ROBO1: variants seen among roughly 807,000 people sequenced by gnomAD.
ROBO1 encodes the protein roundabout homolog 1.
In ROBO1, 149 loss-of-function variants were observed where a neutral mutation model predicts 195.9. The observed-to-expected ratio is 0.76, with a 90% confidence interval of 0.67 to 0.87. The LOEUF is 0.87. ROBO1 is among the 40% of genes least tolerant of loss of function. The pLI is 0.00. For synonymous variants in ROBO1, 816 were observed against 733.2 expected (o/e 1.11, Z -1.82); for missense variants, 1,933 against 2,068.3 (o/e 0.93, Z 1.27).
intron 4 of ROBO1, among the ~76,000 whole-genome samples, chr3:78,852,942 AG>A (rs1410869181): frequency 6.6e-6 from 1 of 152,182 alleles, no homozygotes; most frequent in Non-Finnish European, 1.5e-5. Context: ...AATGGTTCAT[AG>A]GTTTATGCAT....
At chr3:79,089,417 G>A (rs1222133971) in intron 3 of ROBO1, among the ~76,000 whole-genome samples, 1 of 152,024 alleles carries the variant, frequency 6.6e-6, no homozygotes, top group Admixed American at 6.6e-5. Context: ...TTATTGATAT[G>A]CCATTATTTA....
Position 79,610,708 on chromosome 3 carries a change from C to T in ROBO1, c.-50-20747G>A, listed in dbSNP as rs141164286. On this transcript the variant is annotated intron_variant, in intron 1 of 30. Transcript: ENST00000464233. ...AGATATCATACTTTGCTAGTTAATA[C>T]ACTTTTGGCCTCAAGTGTCAGAAAC... 5.3e-4 allele frequency among the ~76,000 whole-genome samples: 80 copies of T among 152,122 alleles called. No homozygotes were observed. In the East Asian group the frequency reaches 0.015, roughly 28 times the overall value.
chr3:78,876,602 A>G (rs2035863967), intron 4 of ROBO1, among the ~76,000 whole-genome samples: 1 of 152,218 alleles, frequency 6.6e-6, no homozygotes, highest in Non-Finnish European at 1.5e-5. Flanking sequence ...CCACATAAGA[A>G]TACATGAAAA....
At chr3:78,802,668 T>A (rs1286280577) in intron 4 of ROBO1, among the ~76,000 whole-genome samples, 1 of 152,048 alleles carries the variant, frequency 6.6e-6, no homozygotes, top group Non-Finnish European at 1.5e-5. Flanking sequence ...CACATAAGAC[T>A]TTTCTGGAGA....
chr3:79,195,448 G>A (rs574597345), intron 2 of ROBO1, among the ~76,000 whole-genome samples: 80 of 151,572 alleles, frequency 5.3e-4, no homozygotes, highest in Non-Finnish European at 9.9e-4. Context: ...ACAGATTGAT[G>A]TCAAAAGCAG....
chr3:79,453,931 G>T (rs1269859916), intron 2 of ROBO1, among the ~76,000 whole-genome samples: 1 of 152,040 alleles, frequency 6.6e-6, no homozygotes. Flanking sequence ...GTTGATTCCA[G>T]GTGCTGAGCC....
chr3:79,017,563 T>G (rs149187595), intron 3 of ROBO1, among the ~76,000 whole-genome samples: 144 of 151,262 alleles, frequency 9.5e-4, no homozygotes, highest in African/African-American at 3.4e-3. Context: ...AGAAGTTGAG[T>G]CGTGGCTCAG....
chr3:79,407,329 G>A (rs1052908992), intron 2 of ROBO1, among the ~76,000 whole-genome samples: 3 of 152,046 alleles, frequency 2.0e-5, no homozygotes, highest in African/African-American at 4.8e-5. Flanking sequence ...TCACAGTCTC[G>A]GGGCCTTGCC....
chr3:78,993,502 T>C (rs1268910187), intron 3 of ROBO1, among the ~76,000 whole-genome samples: 1 of 152,170 alleles, frequency 6.6e-6, no homozygotes. Flanking sequence ...CACTTATATA[T>C]GTAGTTGAAC....
At chr3:78,880,176 A>G (rs896599918) in intron 4 of ROBO1, among the ~76,000 whole-genome samples, 1 of 152,176 alleles carries the variant, frequency 6.6e-6, no homozygotes, top group African/African-American at 2.4e-5. Context: ...AAATTCCAAT[A>G]AAATTAGCAT....
intron 10 of ROBO1, among the ~76,000 whole-genome samples, chr3:78,679,096 G>A (rs534382722): frequency 0.015 from 2,211 of 152,278 alleles, 39 homozygotes; most frequent in African/African-American, 0.051. Context: ...CTCAATAGAT[G>A]CAGAAAAGAC....
chr3:78,629,188 A>G (rs202078223), intron 25 of ROBO1, among the ~76,000 whole-genome samples: 2 of 152,124 alleles, frequency 1.3e-5, no homozygotes, highest in East Asian at 3.9e-4. Context: ...TTAACTGAGA[A>G]CCTTCTCATT....
In ROBO1 at chr3:79,649,888, C is replaced by A. The variant is rs980346801; in HGVS notation, c.-50-59927G>T. The stretch of plus-strand genomic sequence containing the variant: ...CTTCCTCTCCTGTCTACCTGTCTAT[C>A]CATCTTATTGGTTCTGTTTCTCTGG... On this transcript the variant is annotated intron_variant, in intron 1 of 30. Transcript: ENST00000464233. Among the ~76,000 whole-genome samples, 9 of 151,906 alleles carry A rather than the reference C, an allele frequency of 5.9e-5. No homozygotes were observed. The East Asian group carries it at 1.7e-3, about 29-fold the overall frequency.
chr3:79,445,247 T>C (rs1159781809), intron 2 of ROBO1, among the ~76,000 whole-genome samples: 1 of 151,768 alleles, frequency 6.6e-6, no homozygotes, highest in Non-Finnish European at 1.5e-5. Flanking sequence ...TCCACACCAA[T>C]GCATATATTA....
chr3:79,428,260 A>G (rs1559892017), intron 2 of ROBO1, among the ~76,000 whole-genome samples: 1 of 152,162 alleles, frequency 6.6e-6, no homozygotes, highest in African/African-American at 2.4e-5. Context: ...TGTAACTTAT[A>G]CACACCTACT....
At chr3:79,422,120 T>G (rs1003924230) in intron 2 of ROBO1, among the ~76,000 whole-genome samples, 4 of 148,310 alleles carry the variant, frequency 2.7e-5, no homozygotes, top group South Asian at 2.1e-4. Flanking sequence ...ATATATTTTA[T>G]GCATATTATA....
chr3:78,620,613 T>A (rs1372262246), intron 26 of ROBO1, among the ~76,000 whole-genome samples: 2 of 152,222 alleles, frequency 1.3e-5, no homozygotes, highest in African/African-American at 4.8e-5. Context: ...TAAATGATTA[T>A]TAAAAATATT....
chr3:79,571,204 C>T lies in ROBO1; in HGVS notation c.88+18620G>A, dbSNP rs576224088. On this transcript the variant is annotated intron_variant, in intron 2 of 30. Transcript: ENST00000464233. ...TTTATGAGAGGCAATAACTTGTAAA[C>T]GAGTGACCTTCCAAAGGCCAAAAGT... Among the ~76,000 whole-genome samples the T allele has an allele frequency of 1.1e-4, 16 of 152,132 alleles. No individual in the cohort carries two copies. In the South Asian group the frequency reaches 2.1e-3, roughly 20 times the overall value.
chr3:78,675,912 T>C (rs912895788), intron 10 of ROBO1, among the ~76,000 whole-genome samples: 1 of 151,932 alleles, frequency 6.6e-6, no homozygotes, highest in Non-Finnish European at 1.5e-5. Flanking sequence ...GCAGCCTAAC[T>C]GGGAGGCACC....
Sources: allele counts gnomAD v4.1 joint callset (sites outside exome capture counted in the v4.1 genomes callset), GRCh38; gene constraint gnomAD v4.1.1; transcripts MANE v1.5; gene names NCBI Gene and HGNC (gene_info 2026-07-23, HGNC 2026-07-21).